GREB1: variants seen among roughly 807,000 people sequenced by gnomAD.
The protein encoded by GREB1 is growth regulating estrogen receptor binding 1.
A neutral mutation model predicts 200.7 loss-of-function variants in GREB1; 106 were observed. The ratio of observed to expected loss-of-function variants is 0.53; its 90% CI spans 0.45 to 0.62. GREB1 has a LOEUF of 0.62. Among genes scored for constraint, GREB1 ranks in the 20% least tolerant of loss-of-function variants. GREB1 has a pLI of 0.00. For missense variants in GREB1, 2,243 were observed against 2,556.8 expected (o/e 0.88, Z 2.65); for synonymous variants, 1,132 against 1,092.4 (o/e 1.04, Z -0.72).
chr2:11,519,449 G>GTTTTTTTTTTTTTT (rs70955804), intron 1 of GREB1, among the ~76,000 whole-genome samples: 3 of 76,974 alleles, frequency 3.9e-5, no homozygotes, highest in African/African-American at 5.4e-5. Context: ...ACTTGTTTTG[G>GTTTTTTTTTTTTTT]TTTTTTTTTT....
In GREB1 at chr2:11,556,693, C is replaced by A; in HGVS notation, c.79C>A (p.Arg27=). The A allele has an allele frequency of 1.2e-6, 2 of 1,613,604 alleles. No individual in the cohort carries two copies. Among genetic ancestry groups the A allele is most frequent in the Non-Finnish European group, 1.7e-6 (2 of 1,179,508 alleles). ...GCACAATTCCATCGAGGCATCCCTG[C>A]GGTCCAACAACCTGGTGCCCAGGCC... ...VLHNSIEASL[R]SNNLVPRPIF... The change falls in exon 2 of 33, where the codon CGG becomes AGG. Residue 27 remains arginine (R), a synonymous_variant. Transcript: ENST00000381486.
intron 1 of GREB1, among the ~76,000 whole-genome samples, chr2:11,509,421 G>A (rs2082830): frequency 0.99 from 151,258 of 152,170 alleles, 75,186 homozygotes; most frequent in Non-Finnish European, 1. Context: ...GCAAATCCCA[G>A]GTATATCCTT....
intron 17 of GREB1, among the ~76,000 whole-genome samples, chr2:11,602,931 C>T (rs1159251716): frequency 2.0e-5 from 3 of 152,154 alleles, no homozygotes; most frequent in African/African-American, 4.8e-5. Flanking sequence ...TATTTTGTGC[C>T]GTTCACTCTT....
At chr2:11,582,319 A>G (rs996124648) in intron 7 of GREB1, among the ~76,000 whole-genome samples, 18 of 152,076 alleles carry the variant, frequency 1.2e-4, no homozygotes, top group Non-Finnish European at 1.6e-4. Flanking sequence ...AGCTCCTCCA[A>G]ATTGCCTAGG....
chr2:11,596,149 G>C lies in GREB1; in HGVS notation c.1864G>C (p.Glu622Gln). ...CATTTTGCTGGACAAATTTCACCAG[G>C]AAAATCAAGGCCATATTTCTTCCTC... ...IDILLDKFHQ[E>Q]NQGHISSSLA... is the part of the protein sequence containing the mutation. Residue 622 changes from glutamate to glutamine, a missense_variant, in exon 13 of 33, where the codon GAA becomes CAA. Physicochemically the swap from Glu to Gln is conservative, Grantham distance 29. Coordinates refer to ENST00000381486, the MANE Select transcript of GREB1 (RefSeq NM_014668.4). 1 of 1,613,768 alleles carries C rather than the reference G, an allele frequency of 6.2e-7. No individual in the cohort carries two copies. Among genetic ancestry groups the C allele is most frequent in the Non-Finnish European group, 8.5e-7 (1 of 1,179,692 alleles).
intron 2 of GREB1, 52 bp from the exon 3 acceptor site, chr2:11,562,411 T>C: frequency 6.2e-7 from 1 of 1,604,432 alleles, no homozygotes; most frequent in Non-Finnish European, 8.5e-7. Context: ...TGGGGGAAGC[T>C]CTGAGGCCAG....
rs529543988 is a variant in GREB1 at position 11,537,253 on chromosome 2, C to T, written c.-162+2999C>T. Among the ~76,000 whole-genome samples, 5 of 152,280 alleles carry T rather than the reference C, an allele frequency of 3.3e-5. No individual in the cohort carries two copies. The South Asian group carries it at 1.0e-3, about 32-fold the overall frequency. ...TCCTGGGATAACAGTCGTGAGCCAC[C>T]GCGCCGGCCGACATTTTCTTTCAGT... On this transcript the variant is annotated intron_variant, in intron 1 of 32. Coordinates refer to ENST00000381486, the MANE Select transcript of GREB1 (RefSeq NM_014668.4).
At chr2:11,497,088 CG>C (rs1672908915) in intron 1 of GREB1, among the ~76,000 whole-genome samples, 1 of 152,196 alleles carries the variant, frequency 6.6e-6, no homozygotes, top group African/African-American at 2.4e-5. Context: ...TGAGCCACCA[CG>C]CCTGGCCTGT....
At chr2:11,616,176 G>A (rs1464631088) in intron 20 of GREB1, among the ~76,000 whole-genome samples, 2 of 152,246 alleles carry the variant, frequency 1.3e-5, no homozygotes, top group South Asian at 2.1e-4. Flanking sequence ...ACTGGCCCAC[G>A]TTAAACTTGC....
chr2:11,536,423 G>A (rs1674296734), intron 1 of GREB1, among the ~76,000 whole-genome samples: 1 of 152,204 alleles, frequency 6.6e-6, no homozygotes, highest in African/African-American at 2.4e-5. Context: ...TTTATTAATG[G>A]TGGTTATATA....
At chr2:11,595,773 T>C (rs1021847914) in intron 12 of GREB1, among the ~76,000 whole-genome samples, 11 of 152,158 alleles carry the variant, frequency 7.2e-5, no homozygotes, top group Non-Finnish European at 1.2e-4. Flanking sequence ...TCTCCCTTGT[T>C]GGCCTAGCTA....
intron 25 of GREB1, 57 bp downstream of exon 25, chr2:11,627,161 C>A: frequency 6.8e-7 from 1 of 1,464,444 alleles, no homozygotes. Flanking sequence ...TGTCCGTTCC[C>A]CTGCTCTCTC....
intron 3 of GREB1, among the ~76,000 whole-genome samples, chr2:11,564,001 G>A (rs1677359783): frequency 6.6e-6 from 1 of 152,156 alleles, no homozygotes; most frequent in Non-Finnish European, 1.5e-5. Context: ...TGGCCCTTTG[G>A]GTTTTGGAGG....
Position 11,618,859 on chromosome 2 carries a change from G to A in GREB1, c.3984G>A (p.Arg1328=), listed in dbSNP as rs1341083808. The change falls in exon 22 of 33, where the codon CGG becomes CGA. Residue 1328 remains arginine, a synonymous_variant. Coordinates refer to ENST00000381486, the MANE Select transcript of GREB1 (RefSeq NM_014668.4). ...PRPSHMDYGN[R]AEGRVDGFHP... ...CCAGCCACATGGACTACGGCAACCG[G>A]GCCGAGGGCCGCGTGGACGGCTTCC... is the stretch of plus-strand genomic sequence containing the variant. The A allele has an allele frequency of 6.3e-7, 1 of 1,589,512 alleles. No homozygotes were observed. The highest frequency in any genetic ancestry group is 1.1e-5 in the South Asian group (1 of 88,766).
In GREB1 at chr2:11,593,091, G is replaced by C; in HGVS notation, c.1661G>C (p.Arg554Pro). The C allele has an allele frequency of 6.2e-7, 1 of 1,609,148 alleles. No individual in the cohort carries two copies. Among genetic ancestry groups the C allele is most frequent in the South Asian group, 1.1e-5 (1 of 90,408 alleles). The change falls in exon 11 of 33, where the codon CGC becomes CCC. Residue 554 changes from arginine (R) to proline (P), a missense_variant. Arg to Pro is a moderately radical substitution (Grantham distance 103). Coordinates refer to ENST00000381486, the MANE Select transcript of GREB1 (RefSeq NM_014668.4). ...TACGTGGTCATCATCTGCGCCTGCC[G>C]CAGCGCGGCCATCGACTCCTGCATC... ...TNYVVIICACRSAAIDSCIAV... is the reference protein window; with the variant it reads ...TNYVVIICACPSAAIDSCIAV...
intron 9 of GREB1, 79 bp from the exon 10 acceptor site, chr2:11,588,667 C>A: frequency 7.7e-7 from 1 of 1,306,124 alleles, no homozygotes; most frequent in Non-Finnish European, 1.1e-6. Context: ...TCAGTGCCCT[C>A]ACCCCCAGAG....
In GREB1 at chr2:11,615,273, A is replaced by G; in HGVS notation, c.3305A>G (p.Glu1102Gly). ...CTGAGCAGCACAGACAACGAGGATG[A>G]GGAGCTGGGGACAGAAGGTGAGGGA... ...EKLSSTDNED[E>G]ELGTEGSTSE... is the part of the protein sequence containing the mutation. Residue 1102 changes from glutamate to glycine, a missense_variant, in exon 20 of 33, where the codon GAG (glutamate) becomes GGG (glycine). Coordinates refer to ENST00000381486, the MANE Select transcript of GREB1 (RefSeq NM_014668.4). 1 of 1,593,362 alleles carries G rather than the reference A, an allele frequency of 6.3e-7. No homozygotes were observed. The highest frequency in any genetic ancestry group is 8.6e-7 in the Non-Finnish European group (1 of 1,169,090).
chr2:11,510,523 G>A lies in GREB1; in HGVS notation c.-159+28142G>A, dbSNP rs560861283. On this transcript the variant is annotated intron_variant, in intron 1 of 2. Transcript: ENST00000628795. Reference sequence around the variant, plus strand: ...TTATAAAGACATTTTCCTAATCAACGATTTGGTTACTTGAAAATACAGCTC... The same window carrying A: ...TTATAAAGACATTTTCCTAATCAACAATTTGGTTACTTGAAAATACAGCTC... Among the ~76,000 whole-genome samples the A allele has an allele frequency of 4.6e-5, 7 of 152,112 alleles. No individual in the cohort carries two copies. In the South Asian group the frequency reaches 1.2e-3, roughly 27 times the overall value.
At chr2:11,626,939 T>TA in intron 24 of GREB1, 23 bp from the exon 25 acceptor site, 1 of 1,613,986 alleles carries the variant, frequency 6.2e-7, no homozygotes, top group African/African-American at 1.3e-5. Context: ...TGCTGCTTTT[T>TA]AATCCTGGGG....
Sources: gnomAD v4.1 joint callset for allele counts (sites outside exome capture counted in the v4.1 genomes callset) on GRCh38, gnomAD v4.1.1 for gene constraint, MANE v1.5 for transcripts, NCBI Gene and HGNC (gene_info 2026-07-23, HGNC 2026-07-21) for gene names.